The following SLC10A7 variants were observed in gnomAD, a reference collection of about 807,000 sequenced individuals.
SLC10A7 encodes the protein sodium/bile acid cotransporter 7.
Under a neutral mutation model 43.2 loss-of-function variants are expected in SLC10A7, and 29 were observed. That is an observed-to-expected ratio of 0.67 (90% confidence interval 0.50 to 0.92). The LOEUF (loss-of-function observed/expected upper bound fraction) is 0.92, where lower values mean the gene tolerates loss of function less well. SLC10A7 is among the 40% of genes least tolerant of loss of function. SLC10A7 has a pLI of 0.00. For synonymous variants in SLC10A7, 152 were observed against 144.8 expected, an observed-to-expected ratio of 1.05 and a Z score of -0.35; for missense variants, 295 against 403.2, an observed-to-expected ratio of 0.73 and a Z score of 2.30.
At chr4:146,519,700 G>A (rs550712911) in intron 1 of SLC10A7, among the ~76,000 whole-genome samples, 167 of 152,286 alleles carry the variant, frequency 1.1e-3, no homozygotes, top group African/African-American at 3.9e-3. Context: ...TTGGGAAGTA[G>A]AAGTTTCCCA....
chr4:146,410,333 T>G (rs995880141), intron 5 of SLC10A7, among the ~76,000 whole-genome samples: 1 of 152,130 alleles, frequency 6.6e-6, no homozygotes, highest in Non-Finnish European at 1.5e-5. Flanking sequence ...CAACTAAAAC[T>G]GACAAAAAGT....
intron 4 of SLC10A7, among the ~76,000 whole-genome samples, chr4:146,463,821 T>C (rs993224694): frequency 1.3e-5 from 2 of 151,144 alleles, no homozygotes; most frequent in Non-Finnish European, 2.9e-5. Context: ...ATTTCCTTTT[T>C]TTTTTCTTTT....
chr4:146,411,887 T>C (rs950444627), intron 5 of SLC10A7, among the ~76,000 whole-genome samples: 2 of 152,144 alleles, frequency 1.3e-5, no homozygotes, highest in East Asian at 1.9e-4. Flanking sequence ...CAAGTGCAGA[T>C]GAAAGGAAGA....
intron 5 of SLC10A7, among the ~76,000 whole-genome samples, chr4:146,374,343 C>T (rs1046571267): frequency 6.6e-6 from 1 of 152,038 alleles, no homozygotes; most frequent in Non-Finnish European, 1.5e-5. Flanking sequence ...AATCCTAGCA[C>T]TTTGGGAGGC....
At chr4:146,375,753 G>A (rs1241230872) in intron 5 of SLC10A7, among the ~76,000 whole-genome samples, 1 of 152,088 alleles carries the variant, frequency 6.6e-6, no homozygotes, top group African/African-American at 2.4e-5. Context: ...CTGTGTTAGG[G>A]TTGTTTCCTC....
At chr4:146,305,785 T>C (rs1578840364) in intron 7 of SLC10A7, 141 bp downstream of exon 7, 5 of 700,670 alleles carry the variant, frequency 7.1e-6, no homozygotes, top group South Asian at 2.1e-5. Context: ...AATACTGTGA[T>C]TGATGAAAGT....
At chr4:146,387,242 T>C (rs997025120) in intron 5 of SLC10A7, among the ~76,000 whole-genome samples, 1 of 152,134 alleles carries the variant, frequency 6.6e-6, no homozygotes, top group Non-Finnish European at 1.5e-5. Flanking sequence ...AAACCAAATT[T>C]AGCAGCACAT....
intron 5 of SLC10A7, among the ~76,000 whole-genome samples, chr4:146,339,772 GA>G (rs532597672): frequency 8.6e-4 from 128 of 149,062 alleles, no homozygotes; most frequent in African/African-American, 3.1e-3. Context: ...CACTTCTACT[GA>G]CATGTTTTCC....
At chr4:146,381,440 C>T (rs1737617096) in intron 5 of SLC10A7, among the ~76,000 whole-genome samples, 1 of 152,118 alleles carries the variant, frequency 6.6e-6, no homozygotes, top group East Asian at 1.9e-4. Flanking sequence ...TTTCCCCTTT[C>T]AATCCGTCTC....
intron 5 of SLC10A7, among the ~76,000 whole-genome samples, chr4:146,408,156 G>A (rs967350867): frequency 4.6e-5 from 7 of 152,084 alleles, no homozygotes; most frequent in Non-Finnish European, 1.5e-5. Context: ...GCATATCAGC[G>A]GTGCCTTTTC....
At chr4:146,322,216 G>T (rs1004731759) in intron 6 of SLC10A7, among the ~76,000 whole-genome samples, 8 of 151,758 alleles carry the variant, frequency 5.3e-5, no homozygotes, top group African/African-American at 9.7e-5. Flanking sequence ...TTACTCTTTG[G>T]TTCTTTTTTT....
chr4:146,290,369 A>T (rs1049457067), intron 9 of SLC10A7, among the ~76,000 whole-genome samples: 11 of 151,328 alleles, frequency 7.3e-5, no homozygotes, highest in Admixed American at 6.6e-4. Flanking sequence ...TCTCCAGGCA[A>T]GCCAGGAATT....
intron 4 of SLC10A7, among the ~76,000 whole-genome samples, chr4:146,500,331 GCA>G (rs1206307834): frequency 6.6e-6 from 1 of 151,854 alleles, no homozygotes; most frequent in African/African-American, 2.4e-5. Context: ...GATGGCAATT[GCA>G]CACTTTCTCC....
chr4:146,407,432 A>G (rs1004031937), intron 5 of SLC10A7, among the ~76,000 whole-genome samples: 1 of 152,212 alleles, frequency 6.6e-6, no homozygotes, highest in African/African-American at 2.4e-5. Context: ...ATTCTGAAGT[A>G]CACAATACTG....
chr4:146,275,094 C>T (rs1729123948), intron 10 of SLC10A7, among the ~76,000 whole-genome samples: 1 of 152,020 alleles, frequency 6.6e-6, no homozygotes, highest in Non-Finnish European at 1.5e-5. Context: ...TGCATGATAC[C>T]CTCTTTTGAA....
At chr4:146,476,350 A>C (rs1734029808) in intron 4 of SLC10A7, among the ~76,000 whole-genome samples, 1 of 152,206 alleles carries the variant, frequency 6.6e-6, no homozygotes, top group African/African-American at 2.4e-5. Flanking sequence ...CGGAGGCGAG[A>C]GGCAGGGCAC....
At chr4:146,498,579 C>T (rs1166053632) in intron 4 of SLC10A7, among the ~76,000 whole-genome samples, 1 of 152,042 alleles carries the variant, frequency 6.6e-6, no homozygotes, top group African/African-American at 2.4e-5. Flanking sequence ...ATAACAATCA[C>T]AAATAAGAAG....
chr4:146,445,050 C>T (rs183051152), intron 4 of SLC10A7, among the ~76,000 whole-genome samples: 2 of 152,088 alleles, frequency 1.3e-5, no homozygotes, highest in African/African-American at 2.4e-5. Flanking sequence ...CTTGGCATGA[C>T]GTCCAGGGCC....
In SLC10A7 at chr4:146,366,066, TCATCTCAAAACC is replaced by T. The variant is rs542828926; in HGVS notation, c.436-40082_436-40071del. On this transcript the variant is annotated intron_variant, in intron 5 of 11. Coordinates refer to ENST00000335472, the MANE Select transcript of SLC10A7 (RefSeq NM_001029998.6). ...CCTGATGATCTGAGGTAAAACAGTT[TCATCTCAAAACC>T]CATCTGCATTCCCTACCCACCAGCC... 1.7e-3 allele frequency among the ~76,000 whole-genome samples: 262 copies of T among 152,312 alleles called. 1 individual carries two copies. The highest frequency in any genetic ancestry group is 6.1e-3 in the African/African-American group (252 of 41,572).
Sources: allele counts gnomAD v4.1 joint callset (sites outside exome capture counted in the v4.1 genomes callset), GRCh38; gene constraint gnomAD v4.1.1; transcripts MANE v1.5; gene names NCBI Gene and HGNC (gene_info 2026-07-23, HGNC 2026-07-21).